The following VPS53 variants were observed in gnomAD, a reference collection of about 807,000 sequenced individuals.
VPS53 encodes the protein vacuolar protein sorting-associated protein 53 homolog.
VPS53 carries 70 observed loss-of-function variants against 107.0 expected under a neutral mutation model. The ratio of observed to expected loss-of-function variants is 0.65; its 90% CI spans 0.54 to 0.80. The LOEUF is 0.80. Ranked by LOEUF, VPS53 falls within the 30% of genes least tolerant of loss-of-function variation. The pLI is 0.00. For missense variants in VPS53, 917 were observed against 1,049.4 expected (o/e 0.87, Z 1.74); for synonymous variants, 409 against 393.3 (o/e 1.04, Z -0.47).
intron 11 of VPS53, among the ~76,000 whole-genome samples, chr17:618,797 C>T (rs72477045): frequency 6.7e-6 from 1 of 150,066 alleles, no homozygotes; most frequent in African/African-American, 2.5e-5. Context: ...AGGCGCCCAC[C>T]AGGCCTGCTA....
intron 19 of VPS53, among the ~76,000 whole-genome samples, chr17:529,392 ACACACT>A (rs1263503309): frequency 2.0e-5 from 2 of 100,564 alleles, no homozygotes; most frequent in African/African-American, 9.9e-5. Flanking sequence ...ATTCACACAC[ACACACT>A]CACACACACA....
chr17:639,488 G>A (rs1453704458), intron 7 of VPS53, among the ~76,000 whole-genome samples: 1 of 152,150 alleles, frequency 6.6e-6, no homozygotes. Context: ...AGGGGGAGAG[G>A]TGCTCTGATT....
chr17:589,433 A>C (rs1175716336), intron 12 of VPS53, among the ~76,000 whole-genome samples: 1 of 152,150 alleles, frequency 6.6e-6, no homozygotes, highest in Non-Finnish European at 1.5e-5. Flanking sequence ...TAAGAAATAT[A>C]TACTAAAATA....
chr17:659,549 G>A (rs966904675), intron 5 of VPS53, among the ~76,000 whole-genome samples: 23 of 152,162 alleles, frequency 1.5e-4, no homozygotes, highest in African/African-American at 5.6e-4. Context: ...CCAAACTGCT[G>A]GGATTACAGG....
chr17:522,263 C>T (rs982625759), intron 19 of VPS53, among the ~76,000 whole-genome samples: 18 of 152,176 alleles, frequency 1.2e-4, no homozygotes, highest in Non-Finnish European at 2.4e-4. Flanking sequence ...GCCTCAGTAA[C>T]AAACCACAAC....
At chr17:692,384 G>A (rs938657954) in intron 4 of VPS53, among the ~76,000 whole-genome samples, 3 of 152,100 alleles carry the variant, frequency 2.0e-5, no homozygotes, top group African/African-American at 7.2e-5. Flanking sequence ...GGAGGATTCC[G>A]TGCCATATAA....
intron 11 of VPS53, among the ~76,000 whole-genome samples, chr17:612,405 A>C (rs1219373745): frequency 7.6e-6 from 1 of 131,230 alleles, no homozygotes; most frequent in Non-Finnish European, 1.6e-5. Flanking sequence ...GCAGTATTCA[A>C]ATAGTGAATT....
chr17:538,685 T>C (rs1371723336), intron 17 of VPS53: 1 of 152,176 alleles, frequency 6.6e-6, no homozygotes, highest in Non-Finnish European at 1.5e-5. Flanking sequence ...TCCATCTTCA[T>C]TTCACAGATA....
At chr17:605,734 A>T (rs1470916087) in intron 11 of VPS53, among the ~76,000 whole-genome samples, 4 of 137,652 alleles carry the variant, frequency 2.9e-5, no homozygotes, top group African/African-American at 1.1e-4. Context: ...ACGGAAACGA[A>T]GATGGGGGCC....
intron 12 of VPS53, among the ~76,000 whole-genome samples, chr17:588,068 A>G (rs1967419846): frequency 6.6e-6 from 1 of 152,230 alleles, no homozygotes; most frequent in Non-Finnish European, 1.5e-5. Flanking sequence ...CTGTAATCCC[A>G]GCACTTTGGG....
intron 7 of VPS53, among the ~76,000 whole-genome samples, chr17:645,297 T>A (rs1030182373): frequency 6.6e-6 from 1 of 152,234 alleles, no homozygotes; most frequent in Non-Finnish European, 1.5e-5. Context: ...GGCCATTTAT[T>A]TATCTTCTTT....
At chr17:706,253 G>C (rs868781982) in intron 2 of VPS53, among the ~76,000 whole-genome samples, 1 of 151,944 alleles carries the variant, frequency 6.6e-6, no homozygotes, top group Non-Finnish European at 1.5e-5. Context: ...ATATGAGCAA[G>C]TCAGGCCAGG....
chr17:575,825 C>T (rs973125651), intron 13 of VPS53, among the ~76,000 whole-genome samples: 24 of 149,066 alleles, frequency 1.6e-4, no homozygotes, highest in East Asian at 2.0e-4. Flanking sequence ...GGACCTAATG[C>T]GTTCCTAGAA....
intron 2 of VPS53, among the ~76,000 whole-genome samples, chr17:706,414 G>A (rs184615841): frequency 3.4e-4 from 52 of 151,734 alleles, no homozygotes; most frequent in Non-Finnish European, 1.5e-5. Context: ...GCGCGTGTCT[G>A]TAAACTCAGC....
chr17:618,338 CTACA>C, intron 11 of VPS53, among the ~76,000 whole-genome samples: 1 of 101,404 alleles, frequency 9.9e-6, no homozygotes. Context: ...GTAGCTGGGA[CTACA>C]GGGGTGCACC....
At chr17:590,920 T>C (rs1334060637) in intron 12 of VPS53, among the ~76,000 whole-genome samples, 2 of 152,190 alleles carry the variant, frequency 1.3e-5, no homozygotes, top group East Asian at 3.9e-4. Context: ...ATTCCCTCTT[T>C]TTCTATTGAT....
intron 7 of VPS53, among the ~76,000 whole-genome samples, chr17:645,764 T>C (rs200550398): frequency 0.081 from 11,971 of 147,304 alleles, 733 homozygotes; most frequent in East Asian, 0.18. Context: ...CGACTGGAGA[T>C]AGGCTCCCAC....
chr17:694,821 G>A (rs892610055), intron 4 of VPS53, among the ~76,000 whole-genome samples: 39 of 152,264 alleles, frequency 2.6e-4, no homozygotes, highest in African/African-American at 7.9e-4. Context: ...GGGCTGGAGC[G>A]CGGCGGCACC....
At chr17:594,174 G>C (rs1394136105) in intron 12 of VPS53, among the ~76,000 whole-genome samples, 1 of 152,168 alleles carries the variant, frequency 6.6e-6, no homozygotes, top group Non-Finnish European at 1.5e-5. Context: ...TGGGAGGAGG[G>C]GGGAGGGATA....
Sources: allele counts gnomAD v4.1 joint callset (sites outside exome capture counted in the v4.1 genomes callset), GRCh38; gene constraint gnomAD v4.1.1; transcripts MANE v1.5; gene names NCBI Gene and HGNC (gene_info 2026-07-23, HGNC 2026-07-21).